Variants in DLC1 observed in about 807,000 individuals in gnomAD.
DLC1 encodes rho GTPase-activating protein 7.
DLC1 carries 54 observed loss-of-function variants against 140.3 expected under a neutral mutation model. The observed-to-expected ratio is 0.38, with a 90% CI of 0.31 to 0.48. The LOEUF is 0.48. Ranked by LOEUF, DLC1 falls within the 20% of genes least tolerant of loss-of-function variation. The probability of loss-of-function intolerance (pLI) is 0.96; values close to 1 mark genes in which losing one functional copy is unlikely to be tolerated. For synonymous variants in DLC1, 986 were observed against 728.1 expected, an observed-to-expected ratio of 1.35 and a Z score of -5.70; for missense variants, 2,536 against 1,907.0, an observed-to-expected ratio of 1.33 and a Z score of -6.14.
At chr8:13,317,463 A>G (rs967159562) in intron 4 of DLC1, among the ~76,000 whole-genome samples, 36 of 152,248 alleles carry the variant, frequency 2.4e-4, no homozygotes, top group Admixed American at 1.2e-3. Flanking sequence ...TTTACAAAAC[A>G]TATCTTCAAA....
At chr8:13,115,689 C>A in intron 5 of DLC1, 32 bp from the exon 6 acceptor site, 1 of 1,599,928 alleles carries the variant, frequency 6.3e-7, no homozygotes. Flanking sequence ...ACAAAATTAG[C>A]CATGTGTACC....
At chr8:13,452,436 A>G (rs1337927818) in intron 2 of DLC1, among the ~76,000 whole-genome samples, 3 of 152,126 alleles carry the variant, frequency 2.0e-5, no homozygotes, top group Admixed American at 2.0e-4. Flanking sequence ...CTTTACATCA[A>G]AATATTCAGA....
chr8:13,422,059 G>A (rs971769015), intron 2 of DLC1, among the ~76,000 whole-genome samples: 1 of 152,032 alleles, frequency 6.6e-6, no homozygotes. Context: ...AATTGTATAA[G>A]TACAAATAAA....
At chr8:13,155,291 CA>C (rs1824168901) in intron 5 of DLC1, among the ~76,000 whole-genome samples, 1 of 151,474 alleles carries the variant, frequency 6.6e-6, no homozygotes, top group Non-Finnish European at 1.5e-5. Flanking sequence ...TTTATTGCTT[CA>C]GTAAATATCC....
At chr8:13,410,728 G>T (rs371293758) in intron 2 of DLC1, among the ~76,000 whole-genome samples, 1 of 152,052 alleles carries the variant, frequency 6.6e-6, no homozygotes, top group African/African-American at 2.4e-5. Context: ...CTCTGGAGAG[G>T]AAAGTTCCAA....
At chr8:13,374,293 A>G (rs1835863462) in intron 4 of DLC1, among the ~76,000 whole-genome samples, 1 of 124,194 alleles carries the variant, frequency 8.1e-6, no homozygotes, top group African/African-American at 3.3e-5. Context: ...TGCCAAATCC[A>G]TCTCAAATTC....
intron 5 of DLC1, among the ~76,000 whole-genome samples, chr8:13,269,289 G>A (rs1448367880): frequency 2.0e-5 from 3 of 152,132 alleles, no homozygotes; most frequent in African/African-American, 7.2e-5. Context: ...TGTTTTCCAT[G>A]GCTAGGTCTT....
chr8:13,292,791 A>G (rs1249418614), intron 5 of DLC1, among the ~76,000 whole-genome samples: 1 of 152,122 alleles, frequency 6.6e-6, no homozygotes, highest in Non-Finnish European at 1.5e-5. Flanking sequence ...CAATTGTGTC[A>G]CTCATTTTTT....
At chr8:13,352,179 C>T (rs149483093) in intron 4 of DLC1, among the ~76,000 whole-genome samples, 17 of 152,278 alleles carry the variant, frequency 1.1e-4, no homozygotes, top group African/African-American at 4.1e-4. Flanking sequence ...TCCTTGTTGG[C>T]AGCCACATGG....
intron 1 of DLC1, among the ~76,000 whole-genome samples, chr8:13,510,523 A>G (rs757603708): frequency 3.3e-4 from 51 of 152,314 alleles, no homozygotes; most frequent in Non-Finnish European, 6.2e-4. Flanking sequence ...CACACATGAA[A>G]TCTCATCTAA....
chr8:13,379,606 G>T (rs1836162832), intron 4 of DLC1, among the ~76,000 whole-genome samples: 1 of 152,054 alleles, frequency 6.6e-6, no homozygotes, highest in Admixed American at 6.5e-5. Flanking sequence ...TGTAAATTGG[G>T]GACCCTCTTT....
chr8:13,292,424 G>A (rs1267714972), intron 5 of DLC1, among the ~76,000 whole-genome samples: 1 of 152,094 alleles, frequency 6.6e-6, no homozygotes, highest in Non-Finnish European at 1.5e-5. Context: ...CTTTTTTAAG[G>A]CCCCAAATTT....
chr8:13,165,157 C>A (rs1286943477), intron 5 of DLC1, among the ~76,000 whole-genome samples: 2 of 152,096 alleles, frequency 1.3e-5, no homozygotes, highest in African/African-American at 4.8e-5. Flanking sequence ...ATAACTGTGT[C>A]CTATGCAATA....
chr8:13,257,316 A>G (rs1240702010), intron 5 of DLC1, among the ~76,000 whole-genome samples: 2 of 151,972 alleles, frequency 1.3e-5, no homozygotes, highest in East Asian at 3.9e-4. Context: ...GCATACCTGT[A>G]GTCCTAGCTA....
intron 5 of DLC1, among the ~76,000 whole-genome samples, chr8:13,215,088 C>T (rs1828132023): frequency 1.3e-5 from 2 of 152,140 alleles, no homozygotes; most frequent in Non-Finnish European, 1.5e-5. Flanking sequence ...GGATTATAAC[C>T]ATGAACAAAA....
intron 1 of DLC1, among the ~76,000 whole-genome samples, chr8:13,521,882 C>G (rs1802777728): frequency 6.6e-6 from 1 of 152,190 alleles, no homozygotes; most frequent in Non-Finnish European, 1.5e-5. Flanking sequence ...GTGATATTAA[C>G]TGTGTATTAC....
chr8:13,397,019 C>G (rs929001798), intron 3 of DLC1, among the ~76,000 whole-genome samples: 1 of 151,998 alleles, frequency 6.6e-6, no homozygotes, highest in Non-Finnish European at 1.5e-5. Context: ...CAGTGTTACC[C>G]TATGCCTCCA....
intron 1 of DLC1, among the ~76,000 whole-genome samples, chr8:13,528,124 A>T (rs1484571786): frequency 6.6e-6 from 1 of 152,146 alleles, no homozygotes; most frequent in Non-Finnish European, 1.5e-5. Flanking sequence ...CATAAGAATC[A>T]AGGAATACAA....
intron 2 of DLC1, among the ~76,000 whole-genome samples, chr8:13,448,973 T>G (rs1381667481): frequency 6.6e-6 from 1 of 152,188 alleles, no homozygotes; most frequent in Non-Finnish European, 1.5e-5. Flanking sequence ...TTTTTAGACA[T>G]TTTTGTTTAG....
Sources: allele counts gnomAD v4.1 joint callset (sites outside exome capture counted in the v4.1 genomes callset), GRCh38; gene constraint gnomAD v4.1.1; transcripts MANE v1.5; gene names NCBI Gene and HGNC (gene_info 2026-07-23, HGNC 2026-07-21).